The following SPPL3 variants were observed in gnomAD, a reference collection of about 807,000 sequenced individuals.
SPPL3 encodes signal peptide peptidase-like 3.
A neutral mutation model predicts 42.4 loss-of-function variants in SPPL3; 5 were observed. The ratio of observed to expected loss-of-function variants is 0.12; its 90% CI spans 0.06 to 0.25. The LOEUF is 0.25. Among genes scored for constraint, SPPL3 ranks in the 10% least tolerant of loss-of-function variants. The pLI is 1.00. For synonymous variants in SPPL3, 195 were observed against 181.8 expected (o/e 1.07, Z -0.58); for missense variants, 235 against 489.0 (o/e 0.48, Z 4.90).
chr12:120,835,748 C>T (rs1177067629), intron 1 of SPPL3: 1 of 152,142 alleles, frequency 6.6e-6, no homozygotes, highest in Non-Finnish European at 1.5e-5. Context: ...CATATACAAG[C>T]CCCTGCTATT....
At chr12:120,854,066 G>A (rs1482407700) in intron 1 of SPPL3, among the ~76,000 whole-genome samples, 1 of 151,090 alleles carries the variant, frequency 6.6e-6, no homozygotes, top group Non-Finnish European at 1.5e-5. Flanking sequence ...ACCCCACAGT[G>A]ACAGTCAGTT....
chr12:120,883,000 G>A (rs1873340563), intron 1 of SPPL3, among the ~76,000 whole-genome samples: 5 of 152,054 alleles, frequency 3.3e-5, no homozygotes. Context: ...TCCATACACA[G>A]ATATATAAAA....
At chr12:120,801,578 T>G (rs991793912) in intron 2 of SPPL3, among the ~76,000 whole-genome samples, 1 of 152,200 alleles carries the variant, frequency 6.6e-6, no homozygotes, top group Non-Finnish European at 1.5e-5. Flanking sequence ...TTACACCAAG[T>G]AATGGGCTCA....
intron 6 of SPPL3, among the ~76,000 whole-genome samples, chr12:120,777,493 C>G (rs1004489242): frequency 6.6e-6 from 1 of 152,206 alleles, no homozygotes; most frequent in Admixed American, 6.5e-5. Context: ...TCAACAAATG[C>G]TACTCTCCGG....
rs1014295623 is a variant in SPPL3, at chr12:120,853,944, A to G, written c.24-43058T>C. 2.7e-5 allele frequency among the ~76,000 whole-genome samples: 4 copies of G among 150,884 alleles called. No homozygotes were observed. In the East Asian group the frequency reaches 7.8e-4, roughly 29 times the overall value. ...CAACAAAACCCAAACCCAAAACCAC[A>G]TGAAAACAAACACCACCACCACCAC... On this transcript the variant is annotated intron_variant, in intron 1 of 10. Coordinates refer to ENST00000353487, the MANE Select transcript of SPPL3 (RefSeq NM_139015.5).
At chr12:120,859,333 A>G (rs1035775336) in intron 1 of SPPL3, among the ~76,000 whole-genome samples, 3 of 152,188 alleles carry the variant, frequency 2.0e-5, no homozygotes, top group African/African-American at 7.2e-5. Context: ...GGATTTTGTG[A>G]TATCAGATGC....
intron 1 of SPPL3, among the ~76,000 whole-genome samples, chr12:120,876,061 C>T (rs1236172028): frequency 6.8e-6 from 1 of 147,232 alleles, no homozygotes; most frequent in Non-Finnish European, 1.5e-5. Context: ...AACTTGACTT[C>T]ACAGATACTT....
intron 1 of SPPL3, among the ~76,000 whole-genome samples, chr12:120,832,201 A>G (rs1871447494): frequency 6.6e-6 from 1 of 152,212 alleles, no homozygotes; most frequent in African/African-American, 2.4e-5. Flanking sequence ...ATTACTCATA[A>G]AAACAGGACA....
At chr12:120,858,810 C>T (rs1872542954) in intron 1 of SPPL3, among the ~76,000 whole-genome samples, 1 of 152,162 alleles carries the variant, frequency 6.6e-6, no homozygotes, top group African/African-American at 2.4e-5. Flanking sequence ...TATCACTAGT[C>T]TCTGACAGCA....
intron 1 of SPPL3, 95 bp downstream of exon 1, chr12:120,903,742 CACGACACG>C: frequency 2.7e-6 from 2 of 744,130 alleles, no homozygotes; most frequent in Non-Finnish European, 3.9e-6. Flanking sequence ...GCCCCCCCCC[CACGACACG>C]CACCTGTTCT....
chr12:120,875,936 A>T (rs1593006770), intron 1 of SPPL3, among the ~76,000 whole-genome samples: 1 of 152,160 alleles, frequency 6.6e-6, no homozygotes, highest in African/African-American at 2.4e-5. Flanking sequence ...GAGTGGTGTC[A>T]ATATCAACAA....
At position 120,763,391 on chromosome 12, in the gene SPPL3, G is replaced by A. The variant is rs983524998; in HGVS notation, c.*1608C>T. 2.6e-5 allele frequency: 4 copies of A among 152,720 alleles called. No homozygotes were observed. The highest frequency in any genetic ancestry group is 9.6e-5 in the African/African-American group (4 of 41,458). The allele number at this position is 152,720 out of a possible 1,614,324, so 9.5% of individuals were successfully genotyped here. ...ATCCACAGTGACTTCAAGCCACAGT[G>A]ACACAGCACACTAATTCATTACACA... On this transcript the variant is annotated 3_prime_UTR_variant, in exon 11 of 11. Coordinates refer to ENST00000353487, the MANE Select transcript of SPPL3 (RefSeq NM_139015.5).
chr12:120,803,748 C>T lies in SPPL3; in HGVS notation c.101+7061G>A, dbSNP rs911021616. On this transcript the variant is annotated intron_variant, in intron 2 of 10. Transcript: ENST00000353487. ...CATTTAATAGTGAATTGATGAAATT[C>T]TTAAATATATAAAAAAACTTGTCTA... 8.6e-5 allele frequency among the ~76,000 whole-genome samples: 13 copies of T among 151,938 alleles called. 1 individual carries two copies. Among genetic ancestry groups the T allele is most frequent in the Admixed American group, 8.5e-4 (13 of 15,252 alleles).
intron 1 of SPPL3, among the ~76,000 whole-genome samples, chr12:120,870,764 T>G (rs1214763403): frequency 6.6e-6 from 1 of 152,162 alleles, no homozygotes; most frequent in East Asian, 1.9e-4. Flanking sequence ...TCCATTTATG[T>G]GACCTAGCTA....
chr12:120,816,714 G>C (rs1048020722), intron 1 of SPPL3, among the ~76,000 whole-genome samples: 1 of 152,142 alleles, frequency 6.6e-6, no homozygotes, highest in African/African-American at 2.4e-5. Flanking sequence ...GTTTCACAAT[G>C]TTGCCCAGGG....
chr12:120,775,954 C>T (rs1869299243), intron 6 of SPPL3, among the ~76,000 whole-genome samples: 1 of 152,056 alleles, frequency 6.6e-6, no homozygotes, highest in Non-Finnish European at 1.5e-5. Context: ...ATTTCAGATT[C>T]TGCAGAGAAG....
intron 1 of SPPL3, among the ~76,000 whole-genome samples, chr12:120,852,836 C>CATGAT (rs1872296483): frequency 1.6e-5 from 1 of 63,432 alleles, no homozygotes; most frequent in African/African-American, 3.3e-5. Flanking sequence ...ATAATATATA[C>CATGAT]ATATGATATA....
intron 10 of SPPL3, 59 bp from the exon 11 acceptor site, chr12:120,765,129 TGA>T: frequency 1.9e-6 from 3 of 1,542,964 alleles, no homozygotes; most frequent in Non-Finnish European, 2.6e-6. Flanking sequence ...CACAGCTGTC[TGA>T]TTCTTTAAAA....
chr12:120,796,611 C>T (rs554928808), intron 2 of SPPL3, among the ~76,000 whole-genome samples: 7 of 152,012 alleles, frequency 4.6e-5, no homozygotes, highest in African/African-American at 1.4e-4. Flanking sequence ...TTTTTTATTC[C>T]TATTAATTTT....
Sources: allele counts gnomAD v4.1 joint callset (sites outside exome capture counted in the v4.1 genomes callset), GRCh38; gene constraint gnomAD v4.1.1; transcripts MANE v1.5; gene names NCBI Gene and HGNC (gene_info 2026-07-23, HGNC 2026-07-21).